FRMPD4: variants seen among roughly 807,000 people sequenced by gnomAD.
FRMPD4 encodes the protein FERM and PDZ domain containing 4.
Under a neutral mutation model 94.1 loss-of-function variants are expected in FRMPD4, and 22 were observed. That is an observed-to-expected ratio of 0.23 (90% CI 0.17 to 0.33). FRMPD4 has a LOEUF of 0.33. FRMPD4 is among the 10% of genes least tolerant of loss of function. The pLI is 1.00. For missense variants in FRMPD4, 1,111 were observed against 1,339.9 expected (o/e 0.83, Z 2.67); for synonymous variants, 631 against 548.6 (o/e 1.15, Z -2.10).
At chrX:12,272,125 G>A (rs897268283) in intron 1 of FRMPD4, among the ~76,000 whole-genome samples, 6 of 112,044 alleles carry the variant, frequency 5.4e-5, no homozygotes, top group Admixed American at 9.5e-5. Context: ...GTAGAGTTTT[G>A]TGGGGATTAA....
chrX:12,268,358 G>A (rs1185941106), intron 1 of FRMPD4, among the ~76,000 whole-genome samples: 1 of 112,117 alleles, frequency 8.9e-6, no homozygotes, highest in Non-Finnish European at 1.9e-5. Context: ...GGCAGAAAAA[G>A]ATAGGGAGTG....
chrX:11,999,681 A>G (rs902158545), intron 3 of FRMPD4, among the ~76,000 whole-genome samples: 1 of 112,239 alleles, frequency 8.9e-6, no homozygotes, highest in African/African-American at 3.2e-5. Context: ...TGACAATCAC[A>G]TGGGGACTGG....
In FRMPD4 at chrX:12,537,948, G is replaced by A. The variant is rs1602092269; in HGVS notation, c.158+39152G>A. 4.5e-5 allele frequency among the ~76,000 whole-genome samples: 5 copies of A among 111,133 alleles called. 1 individual carries two copies. In the Admixed American group the frequency reaches 4.8e-4, roughly 11 times the overall value. Reference sequence around the variant, plus strand: ...CCCAGTGTGAGTGATGCAGAAGACAGGTGATTTCTGCATTTCCAACTGAGG... The same window carrying A: ...CCCAGTGTGAGTGATGCAGAAGACAAGTGATTTCTGCATTTCCAACTGAGG... On this transcript the variant is annotated intron_variant, in intron 2 of 16. Transcript: ENST00000675598.
intron 4 of FRMPD4, among the ~76,000 whole-genome samples, chrX:12,671,030 A>T (rs2059836481): frequency 8.9e-6 from 1 of 112,543 alleles, no homozygotes; most frequent in Non-Finnish European, 1.9e-5. Context: ...TCAAAACCAC[A>T]ATGAGATACC....
At chrX:12,672,739 A>G (rs1464659448) in intron 4 of FRMPD4, among the ~76,000 whole-genome samples, 1 of 111,798 alleles carries the variant, frequency 8.9e-6, no homozygotes. Context: ...TATGGCTTCC[A>G]TCTTTTTTTC....
chrX:12,132,239 G>GGA (rs1555924642), intron 3 of FRMPD4, among the ~76,000 whole-genome samples: 4 of 103,588 alleles, frequency 3.9e-5, no homozygotes. Context: ...GTTTAGGAGG[G>GGA]AAAAAAAAAA....
At chrX:11,895,612 T>A (rs1431230705) in intron 3 of FRMPD4, among the ~76,000 whole-genome samples, 2 of 111,858 alleles carry the variant, frequency 1.8e-5, no homozygotes, top group Non-Finnish European at 3.8e-5. Context: ...GAAATGGGAC[T>A]CCCCCTGCTG....
intron 1 of FRMPD4, among the ~76,000 whole-genome samples, chrX:12,225,190 T>A (rs1045851922): frequency 2.7e-5 from 3 of 112,359 alleles, no homozygotes; most frequent in Non-Finnish European, 5.6e-5. Context: ...TACTTGTGTG[T>A]CAAGTAAGAA....
chrX:12,301,960 T>A (rs4387121), intron 1 of FRMPD4, among the ~76,000 whole-genome samples: 1 of 110,945 alleles, frequency 9.0e-6, no homozygotes, highest in Non-Finnish European at 1.9e-5. Context: ...AGGCTTTTAC[T>A]GTCTCCACAC....
intron 5 of FRMPD4, among the ~76,000 whole-genome samples, chrX:12,679,404 G>A (rs763049040): frequency 5.9e-4 from 66 of 111,900 alleles, no homozygotes; most frequent in Non-Finnish European, 1.0e-3. Context: ...CCAACCAGGC[G>A]GGGACCAGAC....
intron 2 of FRMPD4, among the ~76,000 whole-genome samples, chrX:12,583,710 C>G (rs966629067): frequency 8.0e-5 from 9 of 112,801 alleles, no homozygotes; most frequent in African/African-American, 2.2e-4. Context: ...TGCCGCTTCC[C>G]GCGACCTCAA....
At chrX:12,065,960 C>A (rs2054917392) in intron 3 of FRMPD4, among the ~76,000 whole-genome samples, 3 of 111,843 alleles carry the variant, frequency 2.7e-5, no homozygotes, top group Admixed American at 9.5e-5. Flanking sequence ...ACATTTAAAT[C>A]TAACTCTATT....
At chrX:12,091,365 A>G (rs903362356) in intron 3 of FRMPD4, among the ~76,000 whole-genome samples, 1 of 112,092 alleles carries the variant, frequency 8.9e-6, no homozygotes, top group Admixed American at 9.5e-5. Context: ...GGACTATACA[A>G]TCTCTGTAAC....
At chrX:12,294,868 C>T (rs2054747546) in intron 1 of FRMPD4, among the ~76,000 whole-genome samples, 1 of 111,983 alleles carries the variant, frequency 8.9e-6, no homozygotes, top group African/African-American at 3.2e-5. Context: ...AGATTTCATT[C>T]TTAGACTGAG....
chrX:12,136,497 G>T (rs998207297), upstream of FRMPD4, among the ~76,000 whole-genome samples: 4 of 111,318 alleles, frequency 3.6e-5, no homozygotes, highest in Admixed American at 3.8e-4. Flanking sequence ...GGGCATTTTG[G>T]AAGTGGTATT....
At chrX:11,988,318 C>T (rs768733458) in intron 3 of FRMPD4, among the ~76,000 whole-genome samples, 1 of 103,453 alleles carries the variant, frequency 9.7e-6, no homozygotes, top group African/African-American at 3.8e-5. Context: ...TACAAAGGTG[C>T]CAAGAAATAC....
chrX:12,386,997 G>C (rs563779473), intron 1 of FRMPD4, among the ~76,000 whole-genome samples: 1 of 111,783 alleles, frequency 8.9e-6, no homozygotes, highest in East Asian at 2.8e-4. Context: ...TGCAATTCTT[G>C]GCAAACAAAA....
At chrX:12,202,060 C>T (rs1433509321) in intron 1 of FRMPD4, among the ~76,000 whole-genome samples, 1 of 109,832 alleles carries the variant, frequency 9.1e-6, no homozygotes, top group Non-Finnish European at 1.9e-5. Context: ...TACATCTTGC[C>T]AAACTGCAGT....
chrX:11,849,422 G>A (rs983083335), intron 1 of FRMPD4, among the ~76,000 whole-genome samples: 4 of 111,236 alleles, frequency 3.6e-5, no homozygotes, highest in Non-Finnish European at 7.5e-5. Context: ...AAAGTTCATC[G>A]TAAAATTCAT....
Sources: allele counts gnomAD v4.1 joint callset (sites outside exome capture counted in the v4.1 genomes callset), GRCh38; gene constraint gnomAD v4.1.1; transcripts MANE v1.5; gene names NCBI Gene and HGNC (gene_info 2026-07-23, HGNC 2026-07-21).